PIK3C2G: variants seen among roughly 807,000 people sequenced by gnomAD.
The protein encoded by PIK3C2G is phosphatidylinositol 3-kinase C2 domain-containing subunit gamma.
In PIK3C2G, 168 loss-of-function variants were observed where a neutral mutation model predicts 181.1. The ratio of observed to expected loss-of-function variants is 0.93; its 90% CI spans 0.82 to 1.05. The LOEUF is 1.05. PIK3C2G is among the 50% of genes least tolerant of loss of function. PIK3C2G has a pLI of 0.00. For synonymous variants in PIK3C2G, 573 were observed against 592.2 expected, an observed-to-expected ratio of 0.97 and a Z score of 0.47; for missense variants, 1,869 against 1,732.8, an observed-to-expected ratio of 1.08 and a Z score of -1.40.
rs538608510 is a variant in PIK3C2G, at chr12:18,586,049, G to C, written c.4012-8445G>C. Among the ~76,000 whole-genome samples, 3 of 152,252 alleles carry C rather than the reference G, an allele frequency of 2.0e-5. No homozygotes were observed. The South Asian group carries it at 6.2e-4, about 32-fold the overall frequency. On this transcript the variant is annotated intron_variant, in intron 29 of 32. Transcript: ENST00000538779. ...AAATTTCTGGGACACAGCTAAAGCA[G>C]TGTTAAGAGGGACATTTATAGCTCT...
chr12:18,365,874 A>G (rs1017506556), intron 12 of PIK3C2G, among the ~76,000 whole-genome samples: 1 of 152,150 alleles, frequency 6.6e-6, no homozygotes, highest in African/African-American at 2.4e-5. Context: ...ATCAATTCTA[A>G]TTCTGGTTGT....
chr12:18,499,929 C>CAT (rs966554459), intron 22 of PIK3C2G, among the ~76,000 whole-genome samples: 2 of 152,108 alleles, frequency 1.3e-5, no homozygotes, highest in Non-Finnish European at 2.9e-5. Context: ...AATCTCCAAA[C>CAT]ATATTAGTGC....
chr12:18,584,095 C>T (rs2136438521), intron 29 of PIK3C2G, among the ~76,000 whole-genome samples: 1 of 150,782 alleles, frequency 6.6e-6, no homozygotes, highest in East Asian at 2.0e-4. Context: ...GTGGCGTGAT[C>T]TCGGCTCACC....
At chr12:18,363,314 G>A (rs1565638537) in intron 12 of PIK3C2G, among the ~76,000 whole-genome samples, 1 of 152,016 alleles carries the variant, frequency 6.6e-6, no homozygotes, top group African/African-American at 2.4e-5. Context: ...AAACAATCAA[G>A]TTTTTTTGAC....
Position 18,320,973 on chromosome 12 carries a change from C to A in PIK3C2G, c.1149C>A (p.Asp383Glu). ...PGKLSRKHEE[D>E]HSQFYLNQLL... ...TCTGCTGTCTACAGCATGAAGAGGA[C>A]CACAGTCAGTTTTATCTGAATCAAC... Residue 383 changes from aspartate (D) to glutamate (E), a missense_variant, in exon 7 of 33, where the codon GAC (aspartate) becomes GAA (glutamate). Physicochemically the swap from Asp to Glu is conservative, Grantham distance 45. Transcript: ENST00000538779. The A allele has an allele frequency of 6.4e-7, 1 of 1,562,658 alleles. No homozygotes were observed. Among genetic ancestry groups the A allele is most frequent in the Non-Finnish European group, 8.8e-7 (1 of 1,137,770 alleles).
chr12:18,257,247 A>G (rs1004705642), upstream of PIK3C2G, among the ~76,000 whole-genome samples: 4 of 152,198 alleles, frequency 2.6e-5, no homozygotes, highest in African/African-American at 9.7e-5. Context: ...TTGTGGAAAC[A>G]GGTTAAGAAA....
the PIK3C2G span, among the ~76,000 whole-genome samples, chr12:18,660,197 T>A: frequency 2.0e-5 from 3 of 152,130 alleles, no homozygotes; most frequent in Admixed American, 2.0e-4. Flanking sequence ...AGCTCTTAAC[T>A]CAGCAGTGGC....
chr12:18,557,292 G>A (rs553187462), intron 26 of PIK3C2G, among the ~76,000 whole-genome samples: 83 of 151,646 alleles, frequency 5.5e-4, no homozygotes, highest in Non-Finnish European at 8.6e-4. Context: ...TAATTAATAC[G>A]ATCCCAGAGA....
At chr12:18,313,630 C>T (rs1950731683) in intron 5 of PIK3C2G, among the ~76,000 whole-genome samples, 1 of 151,894 alleles carries the variant, frequency 6.6e-6, no homozygotes, top group Non-Finnish European at 1.5e-5. Flanking sequence ...TTAGAATATG[C>T]AAAGTCTTAT....
At chr12:18,309,549 T>G (rs1302071778) in intron 5 of PIK3C2G, among the ~76,000 whole-genome samples, 1 of 151,842 alleles carries the variant, frequency 6.6e-6, no homozygotes, top group Admixed American at 6.6e-5. Flanking sequence ...TGAAAAAAGT[T>G]ACTTCTTTAT....
chr12:18,543,536 G>A (rs747508256), intron 25 of PIK3C2G, among the ~76,000 whole-genome samples: 2 of 151,868 alleles, frequency 1.3e-5, no homozygotes, highest in Non-Finnish European at 2.9e-5. Flanking sequence ...TTATATTTAA[G>A]TCTTTAATCC....
chr12:18,681,021 T>A, the PIK3C2G span, among the ~76,000 whole-genome samples: 1 of 152,064 alleles, frequency 6.6e-6, no homozygotes, highest in Non-Finnish European at 1.5e-5. Context: ...ATATTCATGT[T>A]TTTGCCGTGC....
chr12:18,258,797 G>T (rs186109019), upstream of PIK3C2G, among the ~76,000 whole-genome samples: 5 of 151,852 alleles, frequency 3.3e-5, no homozygotes, highest in Admixed American at 1.3e-4. Context: ...TAGAAAAATC[G>T]ATATAAATAT....
At chr12:18,629,343 G>A (rs1191483789) in intron 31 of PIK3C2G, among the ~76,000 whole-genome samples, 2 of 152,132 alleles carry the variant, frequency 1.3e-5, no homozygotes, top group Non-Finnish European at 2.9e-5. Context: ...AAATGGTCAG[G>A]TCATCATCAG....
At chr12:18,244,369 A>ATGT (rs1357597277), upstream of PIK3C2G, among the ~76,000 whole-genome samples, 1 of 152,026 alleles carries the variant, frequency 6.6e-6, no homozygotes, top group Non-Finnish European at 1.5e-5. Flanking sequence ...AGAATCTAAT[A>ATGT]TGTTAGATTG....
At chr12:18,597,914 T>A (rs1163561261) in intron 30 of PIK3C2G, among the ~76,000 whole-genome samples, 1 of 152,034 alleles carries the variant, frequency 6.6e-6, no homozygotes, top group East Asian at 1.9e-4. Flanking sequence ...TCAAAGATAA[T>A]GAAATACCTA....
At chr12:18,387,102 C>T (rs1420984003) in intron 14 of PIK3C2G, among the ~76,000 whole-genome samples, 1 of 152,178 alleles carries the variant, frequency 6.6e-6, no homozygotes, top group African/African-American at 2.4e-5. Flanking sequence ...ATACACCTAC[C>T]TGATTTTCTT....
intron 18 of PIK3C2G, among the ~76,000 whole-genome samples, chr12:18,439,188 G>A (rs961445727): frequency 1.3e-5 from 2 of 151,976 alleles, no homozygotes; most frequent in Non-Finnish European, 2.9e-5. Flanking sequence ...TTATGGGCCT[G>A]TTAAGAAAAG....
At chr12:18,321,317 G>C (rs1951097882) in intron 7 of PIK3C2G, among the ~76,000 whole-genome samples, 1 of 152,122 alleles carries the variant, frequency 6.6e-6, no homozygotes, top group African/African-American at 2.4e-5. Context: ...TTCATTTTGT[G>C]ATTTTGGGTT....
Sources: allele counts gnomAD v4.1 joint callset (sites outside exome capture counted in the v4.1 genomes callset), GRCh38; gene constraint gnomAD v4.1.1; transcripts MANE v1.5; gene names NCBI Gene and HGNC (gene_info 2026-07-23, HGNC 2026-07-21).